SLC22A25: variants seen among roughly 807,000 people sequenced by gnomAD.
The protein encoded by SLC22A25 is solute carrier family 22 member 25.
SLC22A25 carries 44 observed loss-of-function variants against 45.9 expected under a neutral mutation model. That is an observed-to-expected ratio of 0.96 (90% CI 0.75 to 1.23). SLC22A25 has a LOEUF of 1.23. Ranked by LOEUF, SLC22A25 falls within the 50% of genes most tolerant of loss-of-function variation. The pLI is 0.00. For missense variants in SLC22A25, 800 were observed against 666.4 expected, an observed-to-expected ratio of 1.20 and a Z score of -2.21; for synonymous variants, 283 against 238.6, an observed-to-expected ratio of 1.19 and a Z score of -1.72.
At position 63,217,489 on chromosome 11, in the gene SLC22A25, G is replaced by A; in HGVS notation, c.662-7C>T. The A allele has an allele frequency of 6.2e-7, 1 of 1,612,990 alleles. No individual in the cohort carries two copies. On this transcript the variant is annotated splice_polypyrimidine_tract_variant and splice_region_variant and intron_variant, in intron 6 of 11. Coordinates refer to ENST00000306494, the MANE Select transcript of SLC22A25 (RefSeq NM_199352.6). ...TGAGTTATCCACTCTACAACTGAAA[G>A]AAAACACAAACAAGATTTAGCTTTA...
intron 7 of SLC22A25, among the ~76,000 whole-genome samples, chr11:63,188,865 T>A (rs533014429): frequency 1.3e-5 from 2 of 152,302 alleles, no homozygotes; most frequent in African/African-American, 2.4e-5. Context: ...TTTGAGTGAG[T>A]TTCTTAATCC....
chr11:63,162,586 A>G lies in SLC22A25; in HGVS notation c.*1238T>C, dbSNP rs2087553398. On this transcript the variant is annotated 3_prime_UTR_variant, in exon 12 of 12. Transcript: ENST00000306494. Reference sequence around the variant, plus strand: ...TTTTTACATTGTAATTATTTAAGCAATTACTCTATTAAATAATTAAGGAAG... The same window carrying G: ...TTTTTACATTGTAATTATTTAAGCAGTTACTCTATTAAATAATTAAGGAAG... 6.6e-6 allele frequency among the ~76,000 whole-genome samples: 1 copy of G among 152,096 alleles called. No homozygotes were observed. Among genetic ancestry groups the G allele is most frequent in the Non-Finnish European group, 1.5e-5 (1 of 68,022 alleles).
Position 63,160,091 on chromosome 11 carries a change from T to A in SLC22A25, c.*3733A>T, listed in dbSNP as rs575457898. ...TTGAAAAATTTGCAGCCTGGTGATG[T>A]GATAGAAAATAAAAACCCATTTTCT... On this transcript the variant is annotated 3_prime_UTR_variant, in exon 12 of 12. Coordinates refer to ENST00000306494, the MANE Select transcript of SLC22A25 (RefSeq NM_199352.6). Among the ~76,000 whole-genome samples, 3 of 152,168 alleles carry A rather than the reference T, an allele frequency of 2.0e-5. No individual in the cohort carries two copies. Among genetic ancestry groups the A allele is most frequent in the Non-Finnish European group, 4.4e-5 (3 of 68,024 alleles).
intron 7 of SLC22A25, among the ~76,000 whole-genome samples, chr11:63,201,312 T>C (rs1370169327): frequency 1.3e-5 from 2 of 151,940 alleles, no homozygotes; most frequent in African/African-American, 4.8e-5. Flanking sequence ...AACAAACACA[T>C]AGACCAATGG....
chr11:63,228,698 A>G, intron 4 of SLC22A25, 134 bp from the exon 5 acceptor site: 1 of 638,320 alleles, frequency 1.6e-6, no homozygotes, highest in East Asian at 2.8e-5. Flanking sequence ...CCTGATATTC[A>G]CTGTTCAGGT....
intron 9 of SLC22A25, among the ~76,000 whole-genome samples, chr11:63,178,723 T>C (rs960877864): frequency 4.6e-5 from 7 of 152,062 alleles, no homozygotes; most frequent in Non-Finnish European, 7.4e-5. Flanking sequence ...CCCTTGTCGG[T>C]TGAATAGTTT....
chr11:63,219,017 A>G (rs2089789016), intron 5 of SLC22A25, among the ~76,000 whole-genome samples: 1 of 152,272 alleles, frequency 6.6e-6, no homozygotes, highest in Admixed American at 6.5e-5. Context: ...AAATGCTACT[A>G]GAACTAATTA....
At chr11:63,213,820 A>T (rs2089641758) in intron 7 of SLC22A25, among the ~76,000 whole-genome samples, 1 of 152,166 alleles carries the variant, frequency 6.6e-6, no homozygotes, top group South Asian at 2.1e-4. Context: ...GAGAGGCCAG[A>T]TGTTGAATAC....
intron 7 of SLC22A25, among the ~76,000 whole-genome samples, chr11:63,209,525 A>G (rs2089501200): frequency 6.6e-6 from 1 of 152,170 alleles, no homozygotes; most frequent in Non-Finnish European, 1.5e-5. Flanking sequence ...AGCCCCCGTT[A>G]GAAAAAAACA....
chr11:63,164,475 G>T, intron 11 of SLC22A25, 51 bp downstream of exon 11: 2 of 1,488,706 alleles, frequency 1.3e-6, no homozygotes, highest in Non-Finnish European at 9.4e-7. Flanking sequence ...GTGTCAATTG[G>T]TTGAGACAGG....
intron 5 of SLC22A25, among the ~76,000 whole-genome samples, chr11:63,226,526 T>C (rs2089965412): frequency 6.6e-6 from 1 of 152,202 alleles, no homozygotes; most frequent in Admixed American, 6.5e-5. Flanking sequence ...GAGCTGCTTG[T>C]AGCTAGTGAT....
intron 7 of SLC22A25, among the ~76,000 whole-genome samples, chr11:63,213,163 C>T (rs113959676): frequency 6.6e-5 from 10 of 152,104 alleles, no homozygotes; most frequent in Admixed American, 1.3e-4. Flanking sequence ...AGGATTCTGC[C>T]GAATCTGGAT....
intron 7 of SLC22A25, among the ~76,000 whole-genome samples, chr11:63,202,516 CA>C (rs1228599614): frequency 1.3e-5 from 2 of 152,182 alleles, no homozygotes; most frequent in African/African-American, 4.8e-5. Flanking sequence ...TTTCCCCTCA[CA>C]GTGTAAACAA....
At chr11:63,190,895 T>C (rs7115275) in intron 7 of SLC22A25, among the ~76,000 whole-genome samples, 150,350 of 152,278 alleles carry the variant, frequency 0.99, 74,262 homozygotes, top group Middle Eastern at 1. Context: ...GCTGCCTGAC[T>C]GTTCCTCTGG....
At chr11:63,180,404 C>T (rs558620467) in intron 9 of SLC22A25, among the ~76,000 whole-genome samples, 1 of 152,230 alleles carries the variant, frequency 6.6e-6, no homozygotes, top group South Asian at 2.1e-4. Flanking sequence ...TAAACCTATA[C>T]TATAATTGAA....
At chr11:63,203,226 A>G (rs1399510728) in intron 7 of SLC22A25, among the ~76,000 whole-genome samples, 1 of 152,170 alleles carries the variant, frequency 6.6e-6, no homozygotes, top group African/African-American at 2.4e-5. Flanking sequence ...AAGGCTGAAA[A>G]TTCCAAAACC....
intron 5 of SLC22A25, chr11:63,219,978 C>A: frequency 2.3e-6 from 3 of 1,289,232 alleles, no homozygotes; most frequent in Non-Finnish European, 3.0e-6. Context: ...TCAAGTCCCT[C>A]GTCACAATCA....
Position 63,206,912 on chromosome 11 carries a change from G to A in SLC22A25, c.830+10402C>T, listed in dbSNP as rs143390740. 7.0e-3 allele frequency among the ~76,000 whole-genome samples: 1,062 copies of A among 152,298 alleles called. 15 individuals are homozygous for A. Among genetic ancestry groups the A allele is most frequent in the African/African-American group, 0.024 (978 of 41,570 alleles). ...AAGGCTACAGTAACCAAAACAGCAT[G>A]GCAGTGGTACCAAAACAGATACATA... On this transcript the variant is annotated intron_variant, in intron 7 of 11. Coordinates refer to ENST00000306494, the MANE Select transcript of SLC22A25 (RefSeq NM_199352.6).
In SLC22A25 at chr11:63,199,922, A is replaced by G. The variant is rs117783619; in HGVS notation, c.831-16105T>C. ...GATGTGCCTGCGTGCCAGACACCCA[A>G]TCTTGCAAGATCACCATTGAAAGTC... On this transcript the variant is annotated intron_variant, in intron 7 of 11. Coordinates refer to ENST00000306494, the MANE Select transcript of SLC22A25 (RefSeq NM_199352.6). Among the ~76,000 whole-genome samples, 216 of 152,060 alleles carry G rather than the reference A, an allele frequency of 1.4e-3. 4 individuals are homozygous for G. In the East Asian group the frequency reaches 0.039, roughly 27 times the overall value.
Sources: gnomAD v4.1 joint callset for allele counts (sites outside exome capture counted in the v4.1 genomes callset) on GRCh38, gnomAD v4.1.1 for gene constraint, MANE v1.5 for transcripts, NCBI Gene and HGNC (gene_info 2026-07-23, HGNC 2026-07-21) for gene names.